Variants in FBXW10 observed in about 807,000 individuals in gnomAD.
The protein encoded by FBXW10 is F-box and WD repeat domain containing 10.
In FBXW10, 68 loss-of-function variants were observed where a neutral mutation model predicts 113.1. That is an observed-to-expected ratio of 0.60 (90% CI 0.49 to 0.74). The LOEUF (loss-of-function observed/expected upper bound fraction) is 0.74, where lower values mean the gene tolerates loss of function less well. FBXW10 is among the 30% of genes least tolerant of loss of function. The probability of loss-of-function intolerance (pLI) is 0.00; values close to 1 mark genes in which losing one functional copy is unlikely to be tolerated. For missense variants in FBXW10, 753 were observed against 1,284.5 expected (o/e 0.59, Z 6.32); for synonymous variants, 289 against 481.6 (o/e 0.60, Z 5.24).
At chr17:18,768,026 T>TCTTCCCTCCTTC (rs1555537886) in intron 9 of FBXW10, among the ~76,000 whole-genome samples, 2 of 135,680 alleles carry the variant, frequency 1.5e-5, no homozygotes, top group African/African-American at 2.8e-5. Flanking sequence ...TTCCTTCCTT[T>TCTTCCCTCCTTC]CTTCCTTCCT....
chr17:18,756,933 G>A (rs2151802698), intron 6 of FBXW10, among the ~76,000 whole-genome samples: 2 of 152,244 alleles, frequency 1.3e-5, no homozygotes, highest in Non-Finnish European at 2.9e-5. Flanking sequence ...GAAAGGCAAA[G>A]TTGAGTTTTT....
At chr17:18,772,884 G>C (rs894842562) in intron 12 of FBXW10, among the ~76,000 whole-genome samples, 1 of 151,844 alleles carries the variant, frequency 6.6e-6, no homozygotes, top group Non-Finnish European at 1.5e-5. Flanking sequence ...GCCAGTTAAA[G>C]GGAACATTCT....
chr17:18,745,773 T>C (rs2035029138), intron 1 of FBXW10, among the ~76,000 whole-genome samples: 1 of 152,232 alleles, frequency 6.6e-6, no homozygotes, highest in South Asian at 2.1e-4. Flanking sequence ...TCTGGGGATC[T>C]GTCTTTGAGA....
At chr17:18,749,594 T>A (rs1360841473) in intron 2 of FBXW10, 128 bp from the exon 3 acceptor site, 5 of 1,164,026 alleles carry the variant, frequency 4.3e-6, no homozygotes, top group African/African-American at 1.5e-5. Context: ...ATGACAAAAA[T>A]CTAGTGGCCT....
In FBXW10 at chr17:18,767,029, T is replaced by C. The variant is rs557415792; in HGVS notation, c.1704+167T>C. On this transcript the variant is annotated intron_variant, in intron 9 of 13. Coordinates refer to ENST00000395665, the MANE Select transcript of FBXW10 (RefSeq NM_001267585.2). ...GCCCCAAAGTGAGGCATTCAGAGTCTGTGGAGGGTAGGGGCTCCACCACCC... is the reference window on the plus strand; with the variant it reads ...GCCCCAAAGTGAGGCATTCAGAGTCCGTGGAGGGTAGGGGCTCCACCACCC... Among the ~76,000 whole-genome samples the C allele has an allele frequency of 7.2e-5, 11 of 152,278 alleles. 1 individual carries two copies. The East Asian group carries it at 1.2e-3, about 16-fold the overall frequency.
intron 1 of FBXW10, among the ~76,000 whole-genome samples, chr17:18,746,628 G>A (rs1045395861): frequency 6.6e-6 from 1 of 152,186 alleles, no homozygotes; most frequent in African/African-American, 2.4e-5. Flanking sequence ...GTCAAAAACA[G>A]TAAGTTAGAC....
intron 4 of FBXW10, among the ~76,000 whole-genome samples, chr17:18,750,444 A>C (rs1303798047): frequency 1.3e-5 from 2 of 151,506 alleles, no homozygotes; most frequent in African/African-American, 2.4e-5. Flanking sequence ...ATTGCAGCTT[A>C]TGCAGCAAGA....
intron 7 of FBXW10, among the ~76,000 whole-genome samples, chr17:18,759,708 G>T (rs1235658050): frequency 1.1e-4 from 16 of 151,974 alleles, no homozygotes; most frequent in Non-Finnish European, 1.6e-4. Flanking sequence ...CACCTCCCAG[G>T]TTCACACCAT....
chr17:18,765,777 A>G (rs565261803), intron 8 of FBXW10, among the ~76,000 whole-genome samples: 4 of 151,904 alleles, frequency 2.6e-5, no homozygotes, highest in African/African-American at 9.7e-5. Context: ...GCCAGGTTAG[A>G]GTGCAGTGGC....
In FBXW10 at chr17:18,748,115, C is replaced by G; in HGVS notation, c.670+10C>G. ...GCAGCATCTAACCCTGGTAAGTGAA[C>G]TTTCAGCAAGAAAGCCAATATGGGC... On this transcript the variant is annotated intron_variant, in intron 2 of 13. Coordinates refer to ENST00000395665, the MANE Select transcript of FBXW10 (RefSeq NM_001267585.2). 6.2e-7 allele frequency: 1 copy of G among 1,613,736 alleles called. No homozygotes were observed. Among genetic ancestry groups the G allele is most frequent in the South Asian group, 1.1e-5 (1 of 91,072 alleles).
intron 13 of FBXW10, among the ~76,000 whole-genome samples, chr17:18,776,564 T>C (rs1041418962): frequency 6.6e-6 from 1 of 152,218 alleles, no homozygotes; most frequent in Non-Finnish European, 1.5e-5. Context: ...CCTGTACAGG[T>C]ATACCTGAAG....
chr17:18,772,808 G>A (rs2035641028), intron 12 of FBXW10, 125 bp downstream of exon 12: 1 of 788,548 alleles, frequency 1.3e-6, no homozygotes, highest in South Asian at 1.7e-5. Context: ...GGTTTCCTGA[G>A]GATATAAATC....
intron 12 of FBXW10, among the ~76,000 whole-genome samples, chr17:18,774,521 C>G (rs1372971547): frequency 6.6e-6 from 1 of 152,232 alleles, no homozygotes; most frequent in African/African-American, 2.4e-5. Context: ...TAGCCGGGCG[C>G]AGTGACTCAT....
intron 7 of FBXW10, among the ~76,000 whole-genome samples, chr17:18,760,945 T>A (rs2151810490): frequency 6.6e-6 from 1 of 152,316 alleles, no homozygotes; most frequent in East Asian, 1.9e-4. Flanking sequence ...AGTTTTTTAA[T>A]CTCTTTGCAA....
intron 1 of FBXW10, among the ~76,000 whole-genome samples, chr17:18,745,635 C>T (rs887387426): frequency 3.0e-4 from 46 of 152,146 alleles, no homozygotes; most frequent in East Asian, 5.8e-4. Context: ...AGGCTGGTCT[C>T]GGACTCCTGA....
chr17:18,763,835 A>G (rs1339983188), intron 7 of FBXW10, among the ~76,000 whole-genome samples: 1 of 150,702 alleles, frequency 6.6e-6, no homozygotes, highest in Non-Finnish European at 1.5e-5. Context: ...CATGGATTCT[A>G]AGGCTGGTGG....
At chr17:18,757,287 G>A (rs2035285493) in intron 6 of FBXW10, among the ~76,000 whole-genome samples, 1 of 152,068 alleles carries the variant, frequency 6.6e-6, no homozygotes, top group African/African-American at 2.4e-5. Context: ...GGGCTCAAGC[G>A]ATTCTCCTGC....
At chr17:18,777,093 A>T (rs1326694273) in intron 13 of FBXW10, among the ~76,000 whole-genome samples, 2 of 136,592 alleles carry the variant, frequency 1.5e-5, no homozygotes, top group African/African-American at 2.8e-5. Context: ...ATGGAGTCTC[A>T]CTCTGTTGCC....
intron 12 of FBXW10, among the ~76,000 whole-genome samples, 171 bp from the exon 13 acceptor site, chr17:18,774,965 A>G (rs917329471): frequency 2.6e-5 from 4 of 152,250 alleles, no homozygotes; most frequent in African/African-American, 9.6e-5. Context: ...ATGTATCAAA[A>G]TATCACATGT....
Sources: allele counts gnomAD v4.1 joint callset (sites outside exome capture counted in the v4.1 genomes callset), GRCh38; gene constraint gnomAD v4.1.1; transcripts MANE v1.5; gene names NCBI Gene and HGNC (gene_info 2026-07-23, HGNC 2026-07-21).